Variants in PCLO observed in about 807,000 individuals in gnomAD.
PCLO encodes the protein piccolo presynaptic cytomatrix protein.
Under a neutral mutation model 427.5 loss-of-function variants are expected in PCLO, and 82 were observed. The ratio of observed to expected loss-of-function variants is 0.19; its 90% confidence interval spans 0.16 to 0.23. The LOEUF (loss-of-function observed/expected upper bound fraction) is 0.23. PCLO is among the 10% of genes least tolerant of loss of function. The pLI is 1.00. For missense variants in PCLO, 6,239 were observed against 6,115.9 expected (o/e 1.02, Z -0.67); for synonymous variants, 2,357 against 2,155.4 (o/e 1.09, Z -2.59).
At chr7:82,994,617 G>GTATATATATA (rs71522636) in intron 3 of PCLO, among the ~76,000 whole-genome samples, 74 of 150,128 alleles carry the variant, frequency 4.9e-4, no homozygotes, top group South Asian at 3.8e-3. Context: ...TTCATAGTAG[G>GTATATATATA]TATATATATA....
intron 22 of PCLO, among the ~76,000 whole-genome samples, chr7:82,780,696 T>C (rs551486527): frequency 5.9e-5 from 9 of 152,366 alleles, no homozygotes; most frequent in African/African-American, 2.2e-4. Context: ...GTTCTTATTC[T>C]CAGTTTACAT....
chr7:83,029,315 C>T (rs1039265142), intron 3 of PCLO, among the ~76,000 whole-genome samples: 11 of 151,534 alleles, frequency 7.3e-5, no homozygotes, highest in Non-Finnish European at 1.5e-4. Flanking sequence ...TGAGCAGACA[C>T]TTCTCAAAAG....
chr7:82,937,015 C>A (rs973952418), intron 6 of PCLO, among the ~76,000 whole-genome samples: 27 of 151,484 alleles, frequency 1.8e-4, no homozygotes, highest in African/African-American at 6.0e-4. Flanking sequence ...AAAGTAATGG[C>A]TGAATGGGTA....
intron 3 of PCLO, among the ~76,000 whole-genome samples, chr7:83,051,943 T>G (rs1789265131): frequency 6.6e-6 from 1 of 151,730 alleles, no homozygotes. Flanking sequence ...AGAAAGGATG[T>G]TTTTTTTAAC....
Position 83,154,867 on chromosome 7 carries a change from A to G in PCLO, c.1774T>C (p.Cys592Arg), listed in dbSNP as rs1359414491. ...TGCAACAGAAGTTCAGTGGTATTGC[A>G]AAGAGGACAGATGGTTTTAGGGAGG... ...QGLPKTICPL[C>R]NTTELLLHVP... Residue 592 changes from cysteine to arginine, a missense_variant, in exon 2 of 25, where the codon TGC becomes CGC. Physicochemically the swap from Cys to Arg is radical, Grantham distance 180. Around this residue, in one of 5 missense-constraint regions of PCLO, gnomAD observed 4,677 missense variants for 4,468.4 expected, o/e 1.05. Coordinates refer to ENST00000333891, the MANE Select transcript of PCLO (RefSeq NM_033026.6). 1 of 1,613,994 alleles carries G rather than the reference A, an allele frequency of 6.2e-7. No individual in the cohort carries two copies.
rs149205309 is a variant in PCLO at position 82,970,320 on chromosome 7, G to C, written c.3301-3833C>G. On this transcript the variant is annotated intron_variant, in intron 3 of 24. Transcript: ENST00000333891. ...TTTGTAGAAGAAACTGTAATCCAGT[G>C]AAGGTTTCTGTAAAGGAGTAAAATC... Among the ~76,000 whole-genome samples the C allele has an allele frequency of 8.4e-3, 1,274 of 152,076 alleles. 9 individuals carry two copies. The highest frequency in any genetic ancestry group is 0.011 in the Non-Finnish European group (719 of 67,866).
At position 82,951,110 on chromosome 7, in the gene PCLO, C is replaced by A; in HGVS notation, c.9478G>T (p.Asp3160Tyr). The change falls in exon 6 of 25, where the codon GAT becomes TAT. Residue 3160 changes from aspartate (D) to tyrosine (Y), a missense_variant. By Grantham distance (160) the Asp-to-Tyr change is radical. Coordinates refer to ENST00000333891, the MANE Select transcript of PCLO (RefSeq NM_033026.6). Reference sequence around the variant, plus strand: ...ATAGTTTGCAAACTGGCACTGATATCAATACCAGTTACTGCAATGTCCGTT... The same window carrying A: ...ATAGTTTGCAAACTGGCACTGATATAAATACCAGTTACTGCAATGTCCGTT... ...SETDIAVTGI[D>Y]ISASLQTITM... 7 of 1,613,660 alleles carry A rather than the reference C, an allele frequency of 4.3e-6. No individual in the cohort carries two copies. The highest frequency in any genetic ancestry group is 5.9e-6 in the Non-Finnish European group (7 of 1,179,642).
At chr7:82,968,765 T>C (rs1325834928) in intron 3 of PCLO, among the ~76,000 whole-genome samples, 1 of 152,078 alleles carries the variant, frequency 6.6e-6, no homozygotes, top group South Asian at 2.1e-4. Context: ...GTGATCTGCC[T>C]GTCTTGGCCT....
chr7:82,957,411 C>T (rs1795551663), intron 4 of PCLO, among the ~76,000 whole-genome samples: 1 of 151,764 alleles, frequency 6.6e-6, no homozygotes, highest in African/African-American at 2.4e-5. Flanking sequence ...GGAGAATTTA[C>T]TAAACAAAAA....
At chr7:82,851,941 T>C (rs1460363967) in intron 10 of PCLO, among the ~76,000 whole-genome samples, 1 of 152,162 alleles carries the variant, frequency 6.6e-6, no homozygotes, top group Non-Finnish European at 1.5e-5. Flanking sequence ...AAGTGGATTT[T>C]ATTTTTTAAA....
rs538140275 is a variant in PCLO at position 83,097,280 on chromosome 7, T to C, written c.3300+36970A>G. Among the ~76,000 whole-genome samples, 112 of 141,610 alleles carry C rather than the reference T, an allele frequency of 7.9e-4. 4 individuals are homozygous for C. In the South Asian group the frequency reaches 0.024, roughly 30 times the overall value. The allele number at this position is 141,610 out of a possible 152,430, so 92.9% of individuals were successfully genotyped here. ...GCTCACGCCTGTAATCCCAGCACTT[T>C]GGGAGGCTGAGGTGGGCGGATCACG... is the stretch of plus-strand genomic sequence containing the variant. On this transcript the variant is annotated intron_variant, in intron 3 of 24. Transcript: ENST00000333891.
rs1275437938 is a variant in PCLO, at chr7:83,135,383, G to A, written c.2167C>T (p.Pro723Ser). Residue 723 changes from proline (P) to serine (S), a missense_variant, in exon 3 of 25, where the codon CCC becomes TCC. Pro to Ser is a moderately conservative substitution (Grantham distance 74). Coordinates refer to ENST00000333891, the MANE Select transcript of PCLO (RefSeq NM_033026.6). ...HGSPSAKAKQ[P>S]PEADSLSKPA... ...TTGGACAAAGAATCTGCCTCAGGGGGCTGCTTGGCCTTGGCTGAAGGAGAG... is the reference window on the plus strand; with the variant it reads ...TTGGACAAAGAATCTGCCTCAGGGGACTGCTTGGCCTTGGCTGAAGGAGAG... 1 of 1,613,922 alleles carries A rather than the reference G, an allele frequency of 6.2e-7. No individual in the cohort carries two copies. The highest frequency in any genetic ancestry group is 8.5e-7 in the Non-Finnish European group (1 of 1,179,878).
At chr7:82,767,064 C>CA (rs1211162290) in intron 22 of PCLO, among the ~76,000 whole-genome samples, 2 of 152,072 alleles carry the variant, frequency 1.3e-5, no homozygotes, top group African/African-American at 4.8e-5. Flanking sequence ...TGGATGGAGG[C>CA]AAAATCCTCC....
chr7:83,162,843 C>G lies in PCLO; in HGVS notation c.-251G>C, dbSNP rs915375981. On this transcript the variant is annotated 5_prime_UTR_variant, in exon 1 of 25. Coordinates refer to ENST00000333891, the MANE Select transcript of PCLO (RefSeq NM_033026.6). ...GGCAACCTTTGCAGAAGACACCTCCCGGACGCCGCCTCGGCGCCCCGAGCC... is the reference window on the plus strand; with the variant it reads ...GGCAACCTTTGCAGAAGACACCTCCGGGACGCCGCCTCGGCGCCCCGAGCC... 2 of 526,956 alleles carry G rather than the reference C, an allele frequency of 3.8e-6. No homozygotes were observed. Among genetic ancestry groups the G allele is most frequent in the African/African-American group, 2.0e-5 (1 of 49,276 alleles). 32.6% of individuals were successfully genotyped at this position (526,956 alleles called of 1,614,324 possible). A position where few individuals can be genotyped will look rare whatever the true frequency, so the allele number is the denominator to read the frequency against.
chr7:83,162,402 T>C lies in PCLO; in HGVS notation c.191A>G (p.Gln64Arg). The change falls in exon 1 of 25, where the codon CAG becomes CGG. Residue 64 changes from glutamine (Q) to arginine (R), a missense_variant. By Grantham distance (43) the Gln-to-Arg change is conservative. Coordinates refer to ENST00000333891, the MANE Select transcript of PCLO (RefSeq NM_033026.6). ...GGGGACGCTTCCCTTGGGCAGCCCC[T>C]GCGCCCTTGACATGACAGCGGCGAT... ...RQIAAVMSRAQGLPKGSVPPA... is the reference protein window; with the variant it reads ...RQIAAVMSRARGLPKGSVPPA... 6.3e-7 allele frequency: 1 copy of C among 1,598,728 alleles called. No individual in the cohort carries two copies. The highest frequency in any genetic ancestry group is 8.5e-7 in the Non-Finnish European group (1 of 1,172,516).
chr7:82,878,821 C>T (rs1793433437), intron 10 of PCLO, among the ~76,000 whole-genome samples: 1 of 152,152 alleles, frequency 6.6e-6, no homozygotes, highest in African/African-American at 2.4e-5. Flanking sequence ...GAATGCAGTT[C>T]TGCTATTGTT....
rs940006623 is a variant in PCLO at position 82,756,304 on chromosome 7, G to A, written c.*2271C>T. ...GTGATGATTATAGGCTTCTTCAAGTGCTAGCTTCTGCTGGAAATATCCATG... is the reference window on the plus strand; with the variant it reads ...GTGATGATTATAGGCTTCTTCAAGTACTAGCTTCTGCTGGAAATATCCATG... On this transcript the variant is annotated 3_prime_UTR_variant, in exon 25 of 25. Coordinates refer to ENST00000333891, the MANE Select transcript of PCLO (RefSeq NM_033026.6). The A allele has an allele frequency of 6.6e-6, 1 of 151,992 alleles. No individual in the cohort carries two copies. The highest frequency in any genetic ancestry group is 1.5e-5 in the Non-Finnish European group (1 of 67,986). The allele number at this position is 151,992 out of a possible 1,614,324, so 9.4% of individuals were successfully genotyped here.
At chr7:82,858,787 G>A (rs926933975) in intron 10 of PCLO, among the ~76,000 whole-genome samples, 8 of 152,038 alleles carry the variant, frequency 5.3e-5, no homozygotes, top group African/African-American at 1.9e-4. Context: ...CACTGAAAAT[G>A]ATAATACTGA....
rs531102259 is a variant in PCLO at position 82,979,420 on chromosome 7, C to G, written c.3301-12933G>C. On this transcript the variant is annotated intron_variant, in intron 3 of 24. Coordinates refer to ENST00000333891, the MANE Select transcript of PCLO (RefSeq NM_033026.6). ...AGTTAGAAGAATATTGTAAATACAG[C>G]TATACAAACATACATCAAAATGTAA... 2.2e-4 allele frequency among the ~76,000 whole-genome samples: 33 copies of G among 152,134 alleles called. 1 individual carries two copies. The South Asian group carries it at 6.9e-3, about 32-fold the overall frequency.
Sources: allele counts gnomAD v4.1 joint callset (sites outside exome capture counted in the v4.1 genomes callset), GRCh38; gene constraint gnomAD v4.1.1; regional missense constraint gnomAD v4.1.1; transcripts MANE v1.5; gene names NCBI Gene and HGNC (gene_info 2026-07-23, HGNC 2026-07-21).